Variants in ASPRV1 observed in about 807,000 individuals in gnomAD.
The protein encoded by ASPRV1 is retroviral-like aspartic protease 1.
In ASPRV1, 7 loss-of-function variants were observed where a neutral mutation model predicts 11.0. That is an observed-to-expected ratio of 0.64 (90% CI 0.36 to 1.20). ASPRV1 has a LOEUF of 1.20. Ranked by LOEUF, ASPRV1 falls within the 50% of genes most tolerant of loss-of-function variation. The pLI, the probability that ASPRV1 is intolerant of heterozygous loss-of-function variation, is 0.02. For missense variants in ASPRV1, 299 were observed against 320.0 expected, an observed-to-expected ratio of 0.93 and a Z score of 0.50; for synonymous variants, 136 against 138.4, an observed-to-expected ratio of 0.98 and a Z score of 0.12.
chr2:69,996,855 C>T, the ASPRV1 span: 1 of 392,118 alleles, frequency 2.6e-6, no homozygotes. Flanking sequence ...AAGGGTTAAG[C>T]ACCTCTGTCA....
At chr2:69,975,032 G>T in the ASPRV1 span, among the ~76,000 whole-genome samples, 10 of 152,182 alleles carry the variant, frequency 6.6e-5, no homozygotes, top group African/African-American at 1.9e-4. Flanking sequence ...TGGGTCACAC[G>T]CGACAAACTC....
At chr2:70,019,510 G>T in the ASPRV1 span, among the ~76,000 whole-genome samples, 4 of 148,758 alleles carry the variant, frequency 2.7e-5, no homozygotes, top group Non-Finnish European at 5.9e-5. Flanking sequence ...TAAAATCAAT[G>T]TAAGTGTCCA....
the ASPRV1 span, among the ~76,000 whole-genome samples, chr2:69,950,612 C>T: frequency 2.6e-5 from 4 of 151,980 alleles, no homozygotes; most frequent in Admixed American, 6.6e-5. Context: ...GAGGCCAAGG[C>T]GGGTGGATCA....
the ASPRV1 span, among the ~76,000 whole-genome samples, chr2:70,033,930 A>G: frequency 3.7e-4 from 57 of 152,044 alleles, no homozygotes; most frequent in Non-Finnish European, 6.3e-4. Context: ...CGAGGCGGGC[A>G]GATCACGAGG....
chr2:70,027,608 A>C, the ASPRV1 span, among the ~76,000 whole-genome samples: 1 of 152,214 alleles, frequency 6.6e-6, no homozygotes, highest in Non-Finnish European at 1.5e-5. Context: ...AACCAAGGCC[A>C]TTATGTTAAC....
the ASPRV1 span, chr2:69,937,119 C>T: frequency 2.9e-6 from 4 of 1,364,968 alleles, no homozygotes; most frequent in Non-Finnish European, 4.2e-6. Flanking sequence ...ATGAGTGGCA[C>T]CGAAAGGCGT....
chr2:69,978,894 T>C, the ASPRV1 span, among the ~76,000 whole-genome samples: 1 of 152,176 alleles, frequency 6.6e-6, no homozygotes, highest in African/African-American at 2.4e-5. Context: ...CATATCTTCA[T>C]ATTTCTTCTC....
chr2:69,982,077 A>ATCCATCCT, the ASPRV1 span, among the ~76,000 whole-genome samples: 3 of 126,228 alleles, frequency 2.4e-5, no homozygotes, highest in Non-Finnish European at 5.2e-5. Flanking sequence ...CCATCCATCC[A>ATCCATCCT]TCCATCCTTC....
the ASPRV1 span, among the ~76,000 whole-genome samples, chr2:70,036,890 C>G: frequency 6.6e-6 from 1 of 152,108 alleles, no homozygotes; most frequent in African/African-American, 2.4e-5. Context: ...CCACTCCTAC[C>G]TCTCCCCAGT....
the ASPRV1 span, among the ~76,000 whole-genome samples, chr2:69,978,067 T>A: frequency 6.6e-6 from 1 of 152,226 alleles, no homozygotes; most frequent in Non-Finnish European, 1.5e-5. Flanking sequence ...TGGGGCCCTA[T>A]GGGCTTCCTT....
the ASPRV1 span, chr2:70,086,518 C>T: frequency 6.9e-6 from 1 of 145,502 alleles, no homozygotes; most frequent in Non-Finnish European, 1.5e-5. Flanking sequence ...GACGGGGCCG[C>T]CCCCCTTGAG....
the ASPRV1 span, among the ~76,000 whole-genome samples, chr2:70,002,849 C>T: frequency 6.6e-6 from 1 of 152,154 alleles, no homozygotes; most frequent in Non-Finnish European, 1.5e-5. Context: ...GTCAGCTTCA[C>T]CAGCTCCCCC....
the ASPRV1 span, among the ~76,000 whole-genome samples, chr2:70,038,650 G>A: frequency 6.6e-6 from 1 of 152,286 alleles, no homozygotes; most frequent in East Asian, 1.9e-4. Flanking sequence ...ACACAGAAGT[G>A]AACCCAGAAG....
At chr2:69,986,764 C>T in the ASPRV1 span, among the ~76,000 whole-genome samples, 1 of 152,220 alleles carries the variant, frequency 6.6e-6, no homozygotes, top group South Asian at 2.1e-4. Context: ...CTGCTTTGAT[C>T]ACACCCATTG....
At chr2:70,065,606 G>C in the ASPRV1 span, among the ~76,000 whole-genome samples, 7 of 151,710 alleles carry the variant, frequency 4.6e-5, no homozygotes, top group African/African-American at 1.7e-4. Context: ...GCATTTAAAA[G>C]CAGGGGCAGG....
At chr2:70,047,977 C>T in the ASPRV1 span, among the ~76,000 whole-genome samples, 2 of 151,544 alleles carry the variant, frequency 1.3e-5, no homozygotes, top group Non-Finnish European at 2.9e-5. Context: ...GGCGTGGTGG[C>T]GTGTGCCTGT....
At chr2:70,086,023 TAAAA>T in the ASPRV1 span, 2 of 152,236 alleles carry the variant, frequency 1.3e-5, no homozygotes, top group Non-Finnish European at 2.9e-5. Flanking sequence ...TATTAAGCTT[TAAAA>T]AGGCGAGAGA....
At chr2:70,058,386 G>GCGCCTGCCAGCA in the ASPRV1 span, among the ~76,000 whole-genome samples, 1 of 152,046 alleles carries the variant, frequency 6.6e-6, no homozygotes, top group Non-Finnish European at 1.5e-5. Context: ...GGGACTACAG[G>GCGCCTGCCAGCA]CACGCGCCAC....
At chr2:69,953,075 T>A in the ASPRV1 span, among the ~76,000 whole-genome samples, 6 of 152,208 alleles carry the variant, frequency 3.9e-5, no homozygotes, top group Non-Finnish European at 7.3e-5. Flanking sequence ...GCTCTTTGAT[T>A]TTCTCCTGTT....
Sources: gnomAD v4.1 joint callset for allele counts (sites outside exome capture counted in the v4.1 genomes callset) on GRCh38, gnomAD v4.1.1 for gene constraint, MANE v1.5 for transcripts, NCBI Gene and HGNC (gene_info 2026-07-23, HGNC 2026-07-21) for gene names.